IPCEF1: variants seen among roughly 807,000 people sequenced by gnomAD.
IPCEF1 encodes interactor protein for cytohesin exchange factors 1.
Under a neutral mutation model 50.9 loss-of-function variants are expected in IPCEF1, and 31 were observed. The ratio of observed to expected loss-of-function variants is 0.61; its 90% confidence interval spans 0.46 to 0.82. The LOEUF is 0.82. Among genes scored for constraint, IPCEF1 ranks in the 40% least tolerant of loss-of-function variants. The pLI, the probability that IPCEF1 is intolerant of heterozygous loss-of-function variation, is 0.00. For missense variants in IPCEF1, 458 were observed against 514.0 expected, an observed-to-expected ratio of 0.89 and a Z score of 1.05; for synonymous variants, 181 against 192.0, an observed-to-expected ratio of 0.94 and a Z score of 0.47.
chr6:154,250,050 A>G (rs1173631054), intron 3 of IPCEF1, among the ~76,000 whole-genome samples: 1 of 152,188 alleles, frequency 6.6e-6, no homozygotes, highest in Non-Finnish European at 1.5e-5. Flanking sequence ...ACTGCATATT[A>G]TAGAAATAAC....
intron 5 of IPCEF1, among the ~76,000 whole-genome samples, chr6:154,245,252 C>T (rs1255711369): frequency 2.0e-5 from 3 of 151,810 alleles, no homozygotes; most frequent in Admixed American, 6.6e-5. Context: ...TCCCTTAAAA[C>T]TTTGATAAAG....
At chr6:154,281,216 G>A (rs927045410) in intron 2 of IPCEF1, among the ~76,000 whole-genome samples, 1 of 149,096 alleles carries the variant, frequency 6.7e-6, no homozygotes, top group Non-Finnish European at 1.5e-5. Flanking sequence ...AGCCAGGCAT[G>A]GTGGTGTATG....
chr6:154,159,732 G>A lies in IPCEF1; in HGVS notation c.*96C>T, dbSNP rs1253426478. 3.3e-6 allele frequency: 3 copies of A among 906,776 alleles called. No individual in the cohort carries two copies. The African/African-American group carries it at 5.1e-5, about 15-fold the overall frequency. 56.2% of individuals were successfully genotyped at this position (906,776 alleles called of 1,614,324 possible). A position where few individuals can be genotyped will look rare whatever the true frequency, so the allele number is the denominator to read the frequency against. On this transcript the variant is annotated 3_prime_UTR_variant, in exon 12 of 12. Coordinates refer to ENST00000367220, the MANE Select transcript of IPCEF1 (RefSeq NM_001130700.2). ...GGGAAGCTGATGCTTGAAGGACTGGGTTTCAGTTTTCCTTTTAAGGAAAAA... is the reference window on the plus strand; with the variant it reads ...GGGAAGCTGATGCTTGAAGGACTGGATTTCAGTTTTCCTTTTAAGGAAAAA...
At position 154,333,393 on chromosome 6, in the gene IPCEF1, A is replaced by T. The variant is rs146808922; in HGVS notation, c.-62+23279T>A. ...AGACTGGCTTAGCCTCCCAGCCTAC[A>T]CCTTTCTCCTATGCTGGATGCTTCC... On this transcript the variant is annotated intron_variant, in intron 1 of 11. Coordinates refer to ENST00000367220, the MANE Select transcript of IPCEF1 (RefSeq NM_001130700.2). Among the ~76,000 whole-genome samples the T allele has an allele frequency of 6.9e-3, 1,050 of 151,942 alleles. 14 individuals are homozygous for T. Among genetic ancestry groups the T allele is most frequent in the African/African-American group, 0.024 (996 of 41,418 alleles).
intron 3 of IPCEF1, among the ~76,000 whole-genome samples, chr6:154,256,193 C>G (rs1292672649): frequency 2.0e-5 from 3 of 152,100 alleles, no homozygotes; most frequent in Non-Finnish European, 4.4e-5. Context: ...GGTGAGGGCC[C>G]TCTTACTGGT....
intron 1 of IPCEF1, among the ~76,000 whole-genome samples, chr6:154,321,793 A>C (rs1451010376): frequency 1.3e-5 from 2 of 150,416 alleles, no homozygotes; most frequent in African/African-American, 4.9e-5. Flanking sequence ...AAAAAAAAAA[A>C]AAAAAAAAAA....
chr6:154,278,581 T>A (rs1303556729), intron 2 of IPCEF1, among the ~76,000 whole-genome samples: 6 of 142,300 alleles, frequency 4.2e-5, no homozygotes, highest in African/African-American at 7.3e-5. Flanking sequence ...CTGTTTTCAA[T>A]AAGTAAGAAG....
At chr6:154,267,522 G>GTGGC (rs1781788223) in intron 2 of IPCEF1, among the ~76,000 whole-genome samples, 1 of 152,212 alleles carries the variant, frequency 6.6e-6, no homozygotes, top group Non-Finnish European at 1.5e-5. Flanking sequence ...AGAAACCTCT[G>GTGGC]TGGCTGGTGG....
In IPCEF1 at chr6:154,156,341, C is replaced by T. The variant is rs2128543968; in HGVS notation, c.*3487G>A. ...GTGCAATGAAACACACGCTCCCAGT[C>T]AAACTTCTTGGTTTCCTAGTGGGCT... is the stretch of plus-strand genomic sequence containing the variant. On this transcript the variant is annotated 3_prime_UTR_variant, in exon 12 of 12. Coordinates refer to ENST00000367220, the MANE Select transcript of IPCEF1 (RefSeq NM_001130700.2). The T allele has an allele frequency of 6.6e-6, 1 of 152,352 alleles. No homozygotes were observed. Among genetic ancestry groups the T allele is most frequent in the Non-Finnish European group, 1.5e-5 (1 of 68,066 alleles). 9.4% of individuals were successfully genotyped at this position (152,352 alleles called of 1,614,324 possible).
chr6:154,226,446 A>G (rs1779258924), intron 5 of IPCEF1, among the ~76,000 whole-genome samples: 2 of 151,804 alleles, frequency 1.3e-5, no homozygotes, highest in East Asian at 3.9e-4. Flanking sequence ...CTTTCTAGCC[A>G]GTTGCCAAAA....
intron 3 of IPCEF1, among the ~76,000 whole-genome samples, chr6:154,263,110 A>G (rs1781645075): frequency 6.6e-6 from 1 of 152,108 alleles, no homozygotes; most frequent in Admixed American, 6.6e-5. Context: ...TTCCTATTTA[A>G]AAATTTTCAT....
intron 1 of IPCEF1, among the ~76,000 whole-genome samples, chr6:154,313,060 C>T (rs1783119567): frequency 3.2e-5 from 1 of 31,594 alleles, no homozygotes; most frequent in African/African-American, 2.3e-4. Flanking sequence ...GCTGTGAGGC[C>T]CTGTCTCAAA....
chr6:154,336,368 C>A (rs1425949666), intron 1 of IPCEF1, among the ~76,000 whole-genome samples: 1 of 152,096 alleles, frequency 6.6e-6, no homozygotes, highest in Non-Finnish European at 1.5e-5. Flanking sequence ...TCATTTGCAG[C>A]AATATGGATG....
chr6:154,174,917 T>A (rs984348471), intron 10 of IPCEF1, among the ~76,000 whole-genome samples: 1 of 152,110 alleles, frequency 6.6e-6, no homozygotes, highest in Non-Finnish European at 1.5e-5. Context: ...ACCAAATAAT[T>A]GGAAGTAAAA....
At chr6:154,314,177 C>T (rs1351483629) in intron 1 of IPCEF1, among the ~76,000 whole-genome samples, 3 of 152,128 alleles carry the variant, frequency 2.0e-5, no homozygotes, top group African/African-American at 4.8e-5. Context: ...TTATAGAGTG[C>T]TTTTAATCTC....
intron 3 of IPCEF1, among the ~76,000 whole-genome samples, chr6:154,259,539 C>A (rs920759035): frequency 6.6e-6 from 1 of 152,148 alleles, no homozygotes; most frequent in Non-Finnish European, 1.5e-5. Flanking sequence ...GTAATCCCAG[C>A]TACTCGGGAG....
intron 5 of IPCEF1, among the ~76,000 whole-genome samples, chr6:154,246,035 A>T (rs1268031640): frequency 1.3e-5 from 2 of 152,164 alleles, no homozygotes; most frequent in Non-Finnish European, 2.9e-5. Context: ...ACACCAGGGG[A>T]CAAGAGGTGA....
At chr6:154,320,567 T>G (rs1333814560) in intron 1 of IPCEF1, among the ~76,000 whole-genome samples, 1 of 152,222 alleles carries the variant, frequency 6.6e-6, no homozygotes, top group Non-Finnish European at 1.5e-5. Context: ...TAGTCAATTT[T>G]TAGACATTTT....
chr6:154,224,227 G>C (rs1211824220), intron 5 of IPCEF1, among the ~76,000 whole-genome samples: 2 of 152,194 alleles, frequency 1.3e-5, no homozygotes, highest in Admixed American at 6.5e-5. Context: ...TATTAAGTTA[G>C]TGCCATGGGT....
Sources: allele counts gnomAD v4.1 joint callset (sites outside exome capture counted in the v4.1 genomes callset), GRCh38; gene constraint gnomAD v4.1.1; transcripts MANE v1.5; gene names NCBI Gene and HGNC (gene_info 2026-07-23, HGNC 2026-07-21).